The following COL25A1 variants were observed in gnomAD, a reference collection of about 807,000 sequenced individuals.
COL25A1 encodes collagen alpha-1(XXV) chain.
Under a neutral mutation model 128.4 loss-of-function variants are expected in COL25A1, and 103 were observed. The ratio of observed to expected loss-of-function variants is 0.80; its 90% CI spans 0.68 to 0.94. COL25A1 has a LOEUF of 0.94. COL25A1 is among the 40% of genes least tolerant of loss of function. COL25A1 has a pLI of 0.00. For synonymous variants in COL25A1, 279 were observed against 277.2 expected (o/e 1.01, Z -0.06); for missense variants, 745 against 840.0 (o/e 0.89, Z 1.40).
chr4:109,276,212 A>C (rs1722825260), intron 3 of COL25A1, among the ~76,000 whole-genome samples: 1 of 152,090 alleles, frequency 6.6e-6, no homozygotes, highest in Non-Finnish European at 1.5e-5. Flanking sequence ...GGAGATCAAG[A>C]CCATCCTGGC....
At chr4:109,060,106 G>A (rs1019742627) in intron 3 of COL25A1, among the ~76,000 whole-genome samples, 2 of 152,072 alleles carry the variant, frequency 1.3e-5, no homozygotes, top group African/African-American at 4.8e-5. Context: ...TTTAAATAAA[G>A]GGCTTCAGAA....
intron 19 of COL25A1, among the ~76,000 whole-genome samples, chr4:108,881,378 A>G (rs1452699): frequency 0.56 from 84,251 of 151,800 alleles, 24,637 homozygotes; most frequent in East Asian, 1. Flanking sequence ...GTATGTCATG[A>G]CTGGTTTCCT....
intron 3 of COL25A1, among the ~76,000 whole-genome samples, chr4:109,112,817 G>A (rs916271547): frequency 2.0e-5 from 3 of 152,042 alleles, no homozygotes; most frequent in African/African-American, 4.8e-5. Flanking sequence ...CATTCTTTCT[G>A]TTCTTATCCC....
intron 18 of COL25A1, among the ~76,000 whole-genome samples, chr4:108,888,723 GATATAAA>G (rs1246697560): frequency 6.6e-6 from 1 of 152,060 alleles, no homozygotes; most frequent in African/African-American, 2.4e-5. Flanking sequence ...GGCACAAGTA[GATATAAA>G]TCACATAAAA....
At chr4:109,051,080 A>G (rs555991206) in intron 3 of COL25A1, among the ~76,000 whole-genome samples, 304 of 152,280 alleles carry the variant, frequency 2.0e-3, no homozygotes, top group Non-Finnish European at 3.6e-3. Context: ...GCCCACAATG[A>G]GAATTGAGGT....
At chr4:109,255,759 T>C (rs912892946) in intron 3 of COL25A1, among the ~76,000 whole-genome samples, 3 of 152,244 alleles carry the variant, frequency 2.0e-5, no homozygotes, top group Non-Finnish European at 4.4e-5. Flanking sequence ...AATTTCATAA[T>C]ATTGATGCTT....
At chr4:109,155,741 C>T (rs1445437662) in intron 3 of COL25A1, among the ~76,000 whole-genome samples, 1 of 152,144 alleles carries the variant, frequency 6.6e-6, no homozygotes, top group East Asian at 1.9e-4. Context: ...ATTCAGATGT[C>T]CAAAGTTCCG....
chr4:109,052,048 G>A (rs1024157403), intron 3 of COL25A1, among the ~76,000 whole-genome samples: 12 of 152,146 alleles, frequency 7.9e-5, no homozygotes, highest in African/African-American at 2.9e-4. Flanking sequence ...ATGTCTTAGA[G>A]GCCTCTAATT....
chr4:108,933,599 G>C (rs1477137607), intron 11 of COL25A1, among the ~76,000 whole-genome samples: 1 of 152,068 alleles, frequency 6.6e-6, no homozygotes, highest in African/African-American at 2.4e-5. Flanking sequence ...CAGCCTTTCT[G>C]TATGCCAAGT....
rs189327897 is a variant in COL25A1, at chr4:109,208,582, T to C, written c.367+92001A>G. 1.3e-3 allele frequency among the ~76,000 whole-genome samples: 185 copies of C among 147,978 alleles called. 2 individuals are homozygous for C. Among genetic ancestry groups the C allele is most frequent in the African/African-American group, 4.5e-3 (170 of 37,584 alleles). ...ACTATCTACATAGTGATTTCAGATT[T>C]TTTTAACTTTTAATATACTGTTTTA... is the stretch of plus-strand genomic sequence containing the variant. On this transcript the variant is annotated intron_variant, in intron 3 of 37. Coordinates refer to ENST00000399132, the MANE Select transcript of COL25A1 (RefSeq NM_198721.4).
In COL25A1 at chr4:109,152,122, TAC is replaced by T. The variant is rs1771563373; in HGVS notation, c.368-101945_368-101944del. Among the ~76,000 whole-genome samples, 7 of 151,720 alleles carry T rather than the reference TAC, an allele frequency of 4.6e-5. No homozygotes were observed. In the South Asian group the frequency reaches 1.5e-3, roughly 31 times the overall value. ...AAAAAAAAAAAAGTGGCATTTACCT[TAC>T]ACTAAAAGGGGAAGACAGACTCTTA... is the stretch of plus-strand genomic sequence containing the variant. On this transcript the variant is annotated intron_variant, in intron 3 of 37. Coordinates refer to ENST00000399132, the MANE Select transcript of COL25A1 (RefSeq NM_198721.4).
At chr4:109,116,008 G>C (rs1767518638) in intron 3 of COL25A1, among the ~76,000 whole-genome samples, 1 of 151,990 alleles carries the variant, frequency 6.6e-6, no homozygotes, top group South Asian at 2.1e-4. Flanking sequence ...AAAAACTGGG[G>C]AGACAGACAG....
chr4:109,297,681 C>A (rs1396862790), intron 3 of COL25A1, among the ~76,000 whole-genome samples: 1 of 151,948 alleles, frequency 6.6e-6, no homozygotes, highest in African/African-American at 2.4e-5. Flanking sequence ...TATACAACAT[C>A]TCCAGGTCTC....
chr4:108,959,462 G>C (rs1178394219), intron 8 of COL25A1, among the ~76,000 whole-genome samples: 1 of 152,046 alleles, frequency 6.6e-6, no homozygotes, highest in Non-Finnish European at 1.5e-5. Flanking sequence ...ACACATTCCA[G>C]TAATAGGAAA....
intron 16 of COL25A1, among the ~76,000 whole-genome samples, chr4:108,890,016 C>T (rs188943591): frequency 2.0e-5 from 3 of 152,346 alleles, no homozygotes; most frequent in African/African-American, 4.8e-5. Flanking sequence ...ATAAGGACTA[C>T]ATTCCGTGAA....
chr4:109,111,699 G>C (rs1398155367), intron 3 of COL25A1, among the ~76,000 whole-genome samples: 5 of 152,090 alleles, frequency 3.3e-5, no homozygotes, highest in Non-Finnish European at 7.4e-5. Context: ...CCCCTTTCCA[G>C]AGTCATTAAT....
chr4:109,139,079 GC>G (rs1367295685), intron 3 of COL25A1, among the ~76,000 whole-genome samples: 1 of 152,078 alleles, frequency 6.6e-6, no homozygotes, highest in Non-Finnish European at 1.5e-5. Context: ...GTGATGATGA[GC>G]TTTTTTTCAT....
At chr4:109,264,816 C>T (rs1263761492) in intron 3 of COL25A1, among the ~76,000 whole-genome samples, 2 of 152,316 alleles carry the variant, frequency 1.3e-5, no homozygotes, top group East Asian at 3.9e-4. Context: ...AGCAATCCCA[C>T]TCATTCCCAC....
chr4:108,987,893 C>G (rs1753807580), intron 6 of COL25A1, among the ~76,000 whole-genome samples: 1 of 152,196 alleles, frequency 6.6e-6, no homozygotes, highest in Non-Finnish European at 1.5e-5. Flanking sequence ...ACCAGACTAT[C>G]CTTTGAATAT....
Sources: gnomAD v4.1 joint callset for allele counts (sites outside exome capture counted in the v4.1 genomes callset) on GRCh38, gnomAD v4.1.1 for gene constraint, MANE v1.5 for transcripts, NCBI Gene and HGNC (gene_info 2026-07-23, HGNC 2026-07-21) for gene names.